Variants in MEIS1 observed in about 807,000 individuals in gnomAD.
MEIS1 encodes homeobox protein Meis1.
A neutral mutation model predicts 50.8 loss-of-function variants in MEIS1; 5 were observed. The ratio of observed to expected loss-of-function variants is 0.10; its 90% CI spans 0.05 to 0.21. The LOEUF is 0.21. Among genes scored for constraint, MEIS1 ranks in the 10% least tolerant of loss-of-function variants. The pLI is 1.00. For missense variants in MEIS1, 318 were observed against 517.3 expected (o/e 0.61, Z 3.74); for synonymous variants, 176 against 179.3 (o/e 0.98, Z 0.15).
intron 8 of MEIS1, among the ~76,000 whole-genome samples, chr2:66,543,338 A>G (rs1674701742): frequency 1.3e-5 from 2 of 152,072 alleles, no homozygotes; most frequent in South Asian, 4.1e-4. Context: ...AAATACATGA[A>G]GAGTGGCAAG....
At chr2:66,546,996 G>T (rs1202012128) in intron 8 of MEIS1, among the ~76,000 whole-genome samples, 1 of 152,160 alleles carries the variant, frequency 6.6e-6, no homozygotes, top group African/African-American at 2.4e-5. Flanking sequence ...ATTCATAATA[G>T]AATAGAGGGT....
intron 6 of MEIS1, among the ~76,000 whole-genome samples, chr2:66,448,168 G>T (rs187361140): frequency 6.6e-6 from 1 of 152,198 alleles, no homozygotes; most frequent in East Asian, 1.9e-4. Flanking sequence ...TTAAAATGTG[G>T]GCCGGGCTTT....
At chr2:66,470,379 G>A (rs764802954) in intron 7 of MEIS1, among the ~76,000 whole-genome samples, 8 of 152,258 alleles carry the variant, frequency 5.3e-5, no homozygotes, top group Non-Finnish European at 7.3e-5. Context: ...ACAAATGGCC[G>A]TTATCAAAAA....
intron 1 of MEIS1, 38 bp from the exon 2 acceptor site, chr2:66,437,699 G>C (rs768478931): frequency 6.3e-7 from 1 of 1,599,768 alleles, no homozygotes. Flanking sequence ...TGCCCGCCTG[G>C]CCTCCTGAAC....
intron 6 of MEIS1, among the ~76,000 whole-genome samples, chr2:66,446,826 G>T (rs999385936): frequency 2.0e-5 from 3 of 152,246 alleles, no homozygotes; most frequent in East Asian, 1.9e-4. Context: ...GCGCAGGGCC[G>T]CCAGGCCTCT....
intron 7 of MEIS1, among the ~76,000 whole-genome samples, chr2:66,482,474 A>G (rs1427778811): frequency 6.6e-6 from 1 of 152,114 alleles, no homozygotes; most frequent in East Asian, 1.9e-4. Flanking sequence ...CTAGTAACTG[A>G]TATCTTTTTG....
At chr2:66,565,776 G>A (rs1298885316) in intron 9 of MEIS1, among the ~76,000 whole-genome samples, 4 of 152,120 alleles carry the variant, frequency 2.6e-5, no homozygotes, top group African/African-American at 9.7e-5. Flanking sequence ...ATAATGAACA[G>A]TACCATAGAT....
At chr2:66,533,509 T>C (rs75733539) in intron 8 of MEIS1, among the ~76,000 whole-genome samples, 26 of 152,282 alleles carry the variant, frequency 1.7e-4, no homozygotes, top group Non-Finnish European at 1.6e-4. Flanking sequence ...CTCTATATCT[T>C]GCTTTTATAG....
At chr2:66,484,654 G>T (rs528113837) in intron 7 of MEIS1, among the ~76,000 whole-genome samples, 2 of 152,064 alleles carry the variant, frequency 1.3e-5, no homozygotes, top group African/African-American at 4.8e-5. Flanking sequence ...TCCCTCCTGG[G>T]TTCAAGCAAT....
chr2:66,435,808 TAA>T lies in MEIS1; in HGVS notation c.-47_-46del. ...TATTTGTTTCTTTTCACACTGGCCT[TAA>T]AGAGGATATATTAGAAGTTGAAGTA... is the stretch of plus-strand genomic sequence containing the variant. On this transcript the variant is annotated 5_prime_UTR_variant, in exon 1 of 13. Transcript: ENST00000272369. The T allele has an allele frequency of 6.9e-7, 1 of 1,457,698 alleles. No individual in the cohort carries two copies. Among genetic ancestry groups the T allele is most frequent in the Non-Finnish European group, 9.3e-7 (1 of 1,078,276 alleles). The allele number at this position is 1,457,698 out of a possible 1,614,324, so 90.3% of individuals were successfully genotyped here.
intron 7 of MEIS1, among the ~76,000 whole-genome samples, chr2:66,504,937 C>T (rs1264366824): frequency 2.6e-5 from 4 of 152,034 alleles, no homozygotes; most frequent in African/African-American, 4.8e-5. Context: ...AATCACTTTG[C>T]GCTAAGAACA....
chr2:66,566,577 C>T (rs990625311), intron 9 of MEIS1, among the ~76,000 whole-genome samples: 2 of 134,018 alleles, frequency 1.5e-5, no homozygotes, highest in Admixed American at 8.3e-5. Context: ...GAATCTCATG[C>T]GTATGACTCT....
chr2:66,461,938 A>G (rs1319790667), intron 6 of MEIS1: 2 of 456,470 alleles, frequency 4.4e-6, no homozygotes, highest in African/African-American at 4.1e-5. Flanking sequence ...TGAAGATTTA[A>G]GAACCTTAGC....
At chr2:66,484,681 C>T (rs1161903405) in intron 7 of MEIS1, among the ~76,000 whole-genome samples, 1 of 152,128 alleles carries the variant, frequency 6.6e-6, no homozygotes, top group Non-Finnish European at 1.5e-5. Flanking sequence ...GCCTCAGCCT[C>T]CCAAATAGCT....
chr2:66,437,719 C>A lies in MEIS1; in HGVS notation c.13-18C>A. ...GCCTGGCCTCCTGAACCTTCTTTCT[C>A]TCCTGTTTGTCATGCAGTACGACGA... On this transcript the variant is annotated intron_variant, in intron 1 of 12. Coordinates refer to ENST00000272369, the MANE Select transcript of MEIS1 (RefSeq NM_002398.3). 6.2e-7 allele frequency: 1 copy of A among 1,612,522 alleles called. No individual in the cohort carries two copies. The highest frequency in any genetic ancestry group is 1.1e-5 in the South Asian group (1 of 90,916).
intron 8 of MEIS1, among the ~76,000 whole-genome samples, chr2:66,520,197 G>T (rs1032692135): frequency 3.0e-4 from 46 of 151,864 alleles, no homozygotes; most frequent in African/African-American, 1.1e-3. Flanking sequence ...CCAGTTGGCC[G>T]GGCGCGGTGG....
At chr2:66,561,081 A>G (rs1417636525) in intron 9 of MEIS1, among the ~76,000 whole-genome samples, 4 of 152,234 alleles carry the variant, frequency 2.6e-5, no homozygotes, top group Non-Finnish European at 4.4e-5. Flanking sequence ...CATTAAATCC[A>G]ATATGTAAAT....
intron 11 of MEIS1, 26 bp from the exon 12 acceptor site, chr2:66,569,024 T>C (rs777826521): frequency 1.9e-6 from 3 of 1,607,930 alleles, no homozygotes; most frequent in Non-Finnish European, 2.6e-6. Flanking sequence ...TTCTGGCCTC[T>C]TCTTGGATTT....
Position 66,535,383 on chromosome 2 carries a change from A to G in MEIS1, c.889-12560A>G, listed in dbSNP as rs74514787. Reference sequence around the variant, plus strand: ...GGATCACCCTTCTCAAAGTCTTAAAAAAAAGCCCAAACTATTCTTCAAGTT... The same window carrying G: ...GGATCACCCTTCTCAAAGTCTTAAAGAAAAGCCCAAACTATTCTTCAAGTT... On this transcript the variant is annotated intron_variant, in intron 8 of 12. Coordinates refer to ENST00000272369, the MANE Select transcript of MEIS1 (RefSeq NM_002398.3). Among the ~76,000 whole-genome samples, 810 of 152,330 alleles carry G rather than the reference A, an allele frequency of 5.3e-3. 4 individuals are homozygous for G. The highest frequency in any genetic ancestry group is 9.3e-3 in the Non-Finnish European group (631 of 68,026).
Sources: allele counts gnomAD v4.1 joint callset (sites outside exome capture counted in the v4.1 genomes callset), GRCh38; gene constraint gnomAD v4.1.1; transcripts MANE v1.5; gene names NCBI Gene and HGNC (gene_info 2026-07-23, HGNC 2026-07-21).